The following SOX6 variants were observed in gnomAD, a reference collection of about 807,000 sequenced individuals.
SOX6 encodes the protein transcription factor SOX-6.
A neutral mutation model predicts 97.8 loss-of-function variants in SOX6; 11 were observed. The observed-to-expected ratio is 0.11, with a 90% CI of 0.07 to 0.19. SOX6 has a LOEUF of 0.19. Among genes scored for constraint, SOX6 ranks in the 10% least tolerant of loss-of-function variants. SOX6 has a pLI of 1.00. For synonymous variants in SOX6, 360 were observed against 371.4 expected, an observed-to-expected ratio of 0.97 and a Z score of 0.35; for missense variants, 810 against 1,039.5, an observed-to-expected ratio of 0.78 and a Z score of 3.04.
In SOX6 at chr11:15,983,363, A is replaced by G. The variant is rs116449816; in HGVS notation, c.2183+2841T>C. ...AAATTCATTTCATAATAGCTAAGTA[A>G]TAAAAAAAACTAACTCATCAGCCAC... On this transcript the variant is annotated intron_variant, in intron 15 of 15. Coordinates refer to ENST00000683767, the MANE Select transcript of SOX6 (RefSeq NM_001367873.1). Among the ~76,000 whole-genome samples, 1,454 of 152,218 alleles carry G rather than the reference A, an allele frequency of 9.6e-3. 19 individuals carry two copies. The highest frequency in any genetic ancestry group is 0.034 in the African/African-American group (1,394 of 41,524).
At chr11:16,434,524 A>C (rs543960640) in intron 1 of SOX6, 1 of 152,040 alleles carries the variant, frequency 6.6e-6, no homozygotes, top group Non-Finnish European at 1.5e-5. Context: ...ATGTCTTCTT[A>C]ATTTCTTCTT....
At chr11:16,356,686 A>C (rs1227884905), upstream of SOX6, among the ~76,000 whole-genome samples, 2 of 152,136 alleles carry the variant, frequency 1.3e-5, no homozygotes, top group Non-Finnish European at 2.9e-5. Context: ...AGCAACTTTG[A>C]CAGATGAAAT....
chr11:16,245,725 G>T (rs1376594864), intron 3 of SOX6, among the ~76,000 whole-genome samples: 1 of 151,492 alleles, frequency 6.6e-6, no homozygotes, highest in African/African-American at 2.4e-5. Context: ...TTCTCCTGGA[G>T]TCTACTTTTA....
intron 12 of SOX6, among the ~76,000 whole-genome samples, chr11:16,027,376 A>T (rs2133879844): frequency 6.6e-6 from 1 of 152,292 alleles, no homozygotes; most frequent in African/African-American, 2.4e-5. Flanking sequence ...ATAAAATGAA[A>T]TTTCCTACAC....
chr11:15,979,231 T>C (rs1299709999), intron 15 of SOX6, among the ~76,000 whole-genome samples: 1 of 151,620 alleles, frequency 6.6e-6, no homozygotes, highest in Non-Finnish European at 1.5e-5. Flanking sequence ...ATGGTAACTG[T>C]ATTTCTTTCA....
chr11:16,518,299 G>A (rs532675220), intron 4 of SOX6, among the ~76,000 whole-genome samples: 3 of 152,232 alleles, frequency 2.0e-5, no homozygotes, highest in South Asian at 4.1e-4. Context: ...CAAGTGGAAC[G>A]TCATTCCCCT....
chr11:16,727,564 G>A (rs1045941217), intron 2 of SOX6, among the ~76,000 whole-genome samples: 8 of 151,424 alleles, frequency 5.3e-5, no homozygotes, highest in African/African-American at 1.9e-4. Context: ...TGAGTAGCTG[G>A]GATTACAGGC....
chr11:16,117,976 T>C (rs901399191), intron 6 of SOX6, among the ~76,000 whole-genome samples: 1 of 152,304 alleles, frequency 6.6e-6, no homozygotes, highest in South Asian at 2.1e-4. Context: ...ATCTTTTTTT[T>C]CTTGAAAGTG....
chr11:16,614,274 G>A (rs1848440972), intron 3 of SOX6, among the ~76,000 whole-genome samples: 1 of 152,074 alleles, frequency 6.6e-6, no homozygotes, highest in South Asian at 2.1e-4. Flanking sequence ...CGTACTCCCT[G>A]GGACTCATCT....
intron 4 of SOX6, among the ~76,000 whole-genome samples, chr11:16,191,791 T>C (rs1377134471): frequency 1.3e-5 from 2 of 152,008 alleles, no homozygotes; most frequent in Non-Finnish European, 2.9e-5. Flanking sequence ...CGCCTGACAC[T>C]CTCTACTATA....
intron 2 of SOX6, among the ~76,000 whole-genome samples, chr11:16,338,615 A>C (rs1856537311): frequency 6.6e-6 from 1 of 152,046 alleles, no homozygotes; most frequent in African/African-American, 2.4e-5. Flanking sequence ...GAAATACTAT[A>C]GAGTGGGAGT....
chr11:16,308,505 A>G (rs1363565628), intron 3 of SOX6, among the ~76,000 whole-genome samples: 1 of 152,188 alleles, frequency 6.6e-6, no homozygotes, highest in Non-Finnish European at 1.5e-5. Flanking sequence ...CCAAGCCAAT[A>G]TCTGTAAGGA....
intron 6 of SOX6, among the ~76,000 whole-genome samples, chr11:16,157,568 A>G (rs1303306777): frequency 1.3e-5 from 2 of 151,984 alleles, no homozygotes; most frequent in Non-Finnish European, 2.9e-5. Context: ...CCAAATAGAT[A>G]TTCTCCACAC....
At chr11:16,378,752 T>C (rs538309145) in intron 1 of SOX6, among the ~76,000 whole-genome samples, 7 of 152,160 alleles carry the variant, frequency 4.6e-5, no homozygotes, top group Admixed American at 1.3e-4. Context: ...AATAAAACTT[T>C]AGATTTCATG....
chr11:15,989,602 C>G (rs960599320), intron 13 of SOX6, among the ~76,000 whole-genome samples: 2 of 152,192 alleles, frequency 1.3e-5, no homozygotes, highest in Non-Finnish European at 2.9e-5. Flanking sequence ...CACAACCACT[C>G]TATATGTTTC....
chr11:16,214,985 T>C (rs1462293406), intron 4 of SOX6, among the ~76,000 whole-genome samples: 2 of 152,210 alleles, frequency 1.3e-5, no homozygotes, highest in South Asian at 2.1e-4. Flanking sequence ...CCTGATCTCA[T>C]GATCAGCTGA....
intron 1 of SOX6, among the ~76,000 whole-genome samples, chr11:16,348,941 T>C (rs1856835799): frequency 6.6e-6 from 1 of 152,068 alleles, no homozygotes; most frequent in Non-Finnish European, 1.5e-5. Flanking sequence ...ATAGGACACA[T>C]ATCCACAACT....
At chr11:16,043,131 C>T (rs757181205) in intron 12 of SOX6, among the ~76,000 whole-genome samples, 2 of 152,154 alleles carry the variant, frequency 1.3e-5, no homozygotes, top group African/African-American at 2.4e-5. Flanking sequence ...AATTAAAATT[C>T]TGTTATGTAT....
intron 1 of SOX6, among the ~76,000 whole-genome samples, chr11:16,364,783 G>A (rs1295634842): frequency 6.6e-6 from 1 of 152,040 alleles, no homozygotes; most frequent in Non-Finnish European, 1.5e-5. Context: ...GTTAGAAAAG[G>A]GCAGAGGCAG....
Sources: allele counts gnomAD v4.1 joint callset (sites outside exome capture counted in the v4.1 genomes callset), GRCh38; gene constraint gnomAD v4.1.1; transcripts MANE v1.5; gene names NCBI Gene and HGNC (gene_info 2026-07-23, HGNC 2026-07-21).